SUSD1: variants seen among roughly 807,000 people sequenced by gnomAD.
SUSD1 encodes sushi domain-containing protein 1.
SUSD1 carries 65 observed loss-of-function variants against 86.9 expected under a neutral mutation model. The observed-to-expected ratio is 0.75, with a 90% confidence interval of 0.61 to 0.92. SUSD1 has a LOEUF of 0.92. Among genes scored for constraint, SUSD1 ranks in the 40% least tolerant of loss-of-function variants. The probability of loss-of-function intolerance (pLI) is 0.00; values close to 1 mark genes in which losing one functional copy is unlikely to be tolerated. For missense variants in SUSD1, 850 were observed against 929.7 expected (o/e 0.91, Z 1.11); for synonymous variants, 346 against 350.0 (o/e 0.99, Z 0.13).
rs1215551131 is a variant in SUSD1 at position 112,102,157 on chromosome 9, G to C, written c.1281+19C>G. On this transcript the variant is annotated intron_variant, in intron 9 of 16. Coordinates refer to ENST00000374270, the MANE Select transcript of SUSD1 (RefSeq NM_022486.5). Reference sequence around the variant, plus strand: ...AAATGACACAATTCTTTAATGGAAAGCATAAGAGATCTCCTTACTTGGTAC... The same window carrying C: ...AAATGACACAATTCTTTAATGGAAACCATAAGAGATCTCCTTACTTGGTAC... 7.1e-7 allele frequency: 1 copy of C among 1,399,276 alleles called. No homozygotes were observed. Among genetic ancestry groups the C allele is most frequent in the Non-Finnish European group, 9.8e-7 (1 of 1,021,360 alleles). 86.7% of individuals were successfully genotyped at this position (1,399,276 alleles called of 1,614,324 possible). A position where few individuals can be genotyped will look rare whatever the true frequency, so the allele number is the denominator to read the frequency against.
chr9:112,046,896 T>C lies in SUSD1; in HGVS notation c.2150-4936A>G, dbSNP rs78988158. On this transcript the variant is annotated intron_variant, in intron 15 of 16. Coordinates refer to ENST00000374270, the MANE Select transcript of SUSD1 (RefSeq NM_022486.5). ...ATGCTTGATACATTAGCAACACTGT[T>C]ATATTCCATTTTTATTGCAGTTTAA... Among the ~76,000 whole-genome samples, 820 of 152,314 alleles carry C rather than the reference T, an allele frequency of 5.4e-3. 10 individuals are homozygous for C. The highest frequency in any genetic ancestry group is 0.019 in the African/African-American group (774 of 41,566).
At position 112,165,238 on chromosome 9, in the gene SUSD1, G is replaced by A. The variant is rs894977488; in HGVS notation, c.104-7625C>T. Among the ~76,000 whole-genome samples the A allele has an allele frequency of 1.9e-4, 29 of 152,110 alleles. 1 individual carries two copies. The highest frequency in any genetic ancestry group is 9.2e-4 in the Admixed American group (14 of 15,274). On this transcript the variant is annotated intron_variant, in intron 1 of 16. Transcript: ENST00000374270. ...ATGTTTTGATGTAGGCATGCAATGCGTAGTAATCATGTATTGTAAAATGGG... is the reference window on the plus strand; with the variant it reads ...ATGTTTTGATGTAGGCATGCAATGCATAGTAATCATGTATTGTAAAATGGG...
At chr9:112,088,284 G>A (rs1021076562) in intron 10 of SUSD1, among the ~76,000 whole-genome samples, 1 of 152,212 alleles carries the variant, frequency 6.6e-6, no homozygotes, top group Admixed American at 6.5e-5. Flanking sequence ...AGCATTTGCT[G>A]TATTCAATTG....
intron 12 of SUSD1, among the ~76,000 whole-genome samples, chr9:112,075,636 T>G (rs1829484100): frequency 6.6e-6 from 1 of 152,140 alleles, no homozygotes; most frequent in Non-Finnish European, 1.5e-5. Context: ...TCCCAGCTAC[T>G]CAGCAGGCTG....
intron 1 of SUSD1, among the ~76,000 whole-genome samples, chr9:112,166,820 A>G (rs1833846856): frequency 6.6e-6 from 1 of 152,190 alleles, no homozygotes; most frequent in African/African-American, 2.4e-5. Context: ...TGCAGAGGTG[A>G]GGGACCCCGA....
intron 12 of SUSD1, among the ~76,000 whole-genome samples, chr9:112,074,600 C>T (rs1829432670): frequency 6.6e-6 from 1 of 152,162 alleles, no homozygotes; most frequent in South Asian, 2.1e-4. Flanking sequence ...AGGGAAATTC[C>T]ACTCTCTTTC....
At chr9:112,130,098 G>C (rs1831950919) in intron 5 of SUSD1, among the ~76,000 whole-genome samples, 1 of 152,154 alleles carries the variant, frequency 6.6e-6, no homozygotes, top group Non-Finnish European at 1.5e-5. Context: ...CATTCAGCCA[G>C]GCATGGTGGC....
chr9:112,117,082 G>A (rs1431185565), intron 6 of SUSD1, among the ~76,000 whole-genome samples: 1 of 152,254 alleles, frequency 6.6e-6, no homozygotes, highest in African/African-American at 2.4e-5. Flanking sequence ...GGAGGTTGCA[G>A]TGAGCTGAGA....
chr9:112,089,151 G>A (rs1242725501), intron 10 of SUSD1, among the ~76,000 whole-genome samples: 2 of 152,112 alleles, frequency 1.3e-5, no homozygotes, highest in Non-Finnish European at 2.9e-5. Flanking sequence ...TGACAAACCA[G>A]ATGGTGAAAA....
At chr9:112,047,708 T>G (rs896840431) in intron 15 of SUSD1, among the ~76,000 whole-genome samples, 2 of 152,104 alleles carry the variant, frequency 1.3e-5, no homozygotes, top group African/African-American at 4.8e-5. Context: ...AGGGAGCTAG[T>G]TGTTATAAAA....
chr9:112,111,920 C>G (rs1465795391), intron 7 of SUSD1, 80 bp from the exon 8 acceptor site: 12 of 1,428,026 alleles, frequency 8.4e-6, no homozygotes, highest in Non-Finnish European at 1.2e-5. Context: ...AGCCCATTCT[C>G]CTACTATTCT....
intron 15 of SUSD1, among the ~76,000 whole-genome samples, chr9:112,051,756 G>A (rs1248492798): frequency 6.6e-6 from 1 of 152,116 alleles, no homozygotes; most frequent in Non-Finnish European, 1.5e-5. Flanking sequence ...ACAGCCGAAT[G>A]GTAGTGGACT....
At chr9:112,109,728 AGTGGCAGGT>A (rs2131639473) in intron 8 of SUSD1, among the ~76,000 whole-genome samples, 1 of 152,356 alleles carries the variant, frequency 6.6e-6, no homozygotes, top group Admixed American at 6.5e-5. Flanking sequence ...CTCACTGAAC[AGTGGCAGGT>A]GAGTGATGAT....
chr9:112,098,697 T>G, intron 9 of SUSD1, 35 bp from the exon 10 acceptor site: 1 of 1,604,446 alleles, frequency 6.2e-7, no homozygotes, highest in Non-Finnish European at 8.5e-7. Flanking sequence ...TTACATTAGA[T>G]TTTCCATTGA....
intron 2 of SUSD1, among the ~76,000 whole-genome samples, chr9:112,152,492 C>G (rs1384816402): frequency 6.6e-6 from 1 of 151,108 alleles, no homozygotes; most frequent in Non-Finnish European, 1.5e-5. Context: ...ACCTCAACCT[C>G]CTAAGCTCAA....
At chr9:112,112,642 AAT>A in intron 7 of SUSD1, 127 bp downstream of exon 7, 1 of 626,160 alleles carries the variant, frequency 1.6e-6, no homozygotes. Context: ...TCACAAAAAA[AAT>A]AAAAGAAAAA....
Position 112,153,265 on chromosome 9 carries a change from T to TA in SUSD1, c.218-3867dup, listed in dbSNP as rs756176818. 9.1e-4 allele frequency among the ~76,000 whole-genome samples: 125 copies of TA among 136,910 alleles called. 1 individual carries two copies. Among genetic ancestry groups the TA allele is most frequent in the South Asian group, 1.4e-3 (6 of 4,272 alleles). 89.8% of individuals were successfully genotyped at this position (136,910 alleles called of 152,430 possible). ...ACAGGTGACAAAGTGAGACCCTGGCTAAAAAAAAAAAAAAATTCTAAGACA... is the reference window on the plus strand; with the variant it reads ...ACAGGTGACAAAGTGAGACCCTGGCTAAAAAAAAAAAAAAAATTCTAAGACA... On this transcript the variant is annotated intron_variant, in intron 2 of 16. Transcript: ENST00000374270.
intron 2 of SUSD1, among the ~76,000 whole-genome samples, chr9:112,156,443 C>A (rs1214036613): frequency 6.7e-6 from 1 of 149,530 alleles, no homozygotes; most frequent in Non-Finnish European, 1.5e-5. Context: ...GCCTGGGCGA[C>A]GAGTGAGACT....
chr9:112,092,258 T>A (rs1290097052), intron 10 of SUSD1, among the ~76,000 whole-genome samples: 1 of 152,274 alleles, frequency 6.6e-6, no homozygotes, highest in Non-Finnish European at 1.5e-5. Flanking sequence ...ACAGCAGGCA[T>A]TTCTAATGCA....
Sources: gnomAD v4.1 joint callset for allele counts (sites outside exome capture counted in the v4.1 genomes callset) on GRCh38, gnomAD v4.1.1 for gene constraint, MANE v1.5 for transcripts, NCBI Gene and HGNC (gene_info 2026-07-23, HGNC 2026-07-21) for gene names.